KMT2C: variants seen among roughly 807,000 people sequenced by gnomAD.
KMT2C encodes histone-lysine N-methyltransferase 2C.
Under a neutral mutation model 507.9 loss-of-function variants are expected in KMT2C, and 88 were observed. The observed-to-expected ratio is 0.17, with a 90% CI of 0.15 to 0.21. The LOEUF (loss-of-function observed/expected upper bound fraction) is 0.21, where lower values mean the gene tolerates loss of function less well. Among genes scored for constraint, KMT2C ranks in the 10% least tolerant of loss-of-function variants. The pLI is 1.00. For synonymous variants in KMT2C, 2,049 were observed against 2,080.8 expected (o/e 0.98, Z 0.42); for missense variants, 4,954 against 5,957.8 (o/e 0.83, Z 5.55).
intron 1 of KMT2C, among the ~76,000 whole-genome samples, chr7:152,425,993 T>A (rs1193785062): frequency 6.6e-6 from 1 of 152,108 alleles, no homozygotes; most frequent in Admixed American, 6.6e-5. Context: ...TAACAACATT[T>A]AAAAGTTTGA....
At chr7:152,217,584 A>G (rs994262601) in intron 23 of KMT2C, among the ~76,000 whole-genome samples, 4 of 152,184 alleles carry the variant, frequency 2.6e-5, no homozygotes, top group African/African-American at 9.7e-5. Context: ...CATCCAACAC[A>G]CTAAACAATC....
chr7:152,312,000 A>T (rs2129200676), intron 4 of KMT2C, 54 bp from the exon 5 acceptor site: 1 of 1,429,610 alleles, frequency 7.0e-7, no homozygotes, highest in Non-Finnish European at 9.6e-7. Flanking sequence ...AAATTGTTTC[A>T]TTTTTAACTG....
chr7:152,303,231 T>C (rs1025429145), intron 6 of KMT2C, among the ~76,000 whole-genome samples: 8 of 152,204 alleles, frequency 5.3e-5, no homozygotes, highest in African/African-American at 1.4e-4. Context: ...AAAAATGCCA[T>C]GTTAACAACC....
chr7:152,393,635 C>T (rs569961506), intron 1 of KMT2C, among the ~76,000 whole-genome samples: 1 of 152,208 alleles, frequency 6.6e-6, no homozygotes, highest in South Asian at 2.1e-4. Flanking sequence ...ATCTGTTGGC[C>T]GAGCGCGGTG....
At chr7:152,292,329 C>T (rs62495464) in intron 6 of KMT2C, among the ~76,000 whole-genome samples, 17 of 152,156 alleles carry the variant, frequency 1.1e-4, no homozygotes, top group South Asian at 4.1e-4. Context: ...ATGTGTGGCG[C>T]GCACACACAC....
intron 6 of KMT2C, among the ~76,000 whole-genome samples, chr7:152,307,745 G>A (rs2096634335): frequency 6.6e-6 from 1 of 152,186 alleles, no homozygotes; most frequent in Non-Finnish European, 1.5e-5. Context: ...AAGGGACAGA[G>A]TGAGGCAAGT....
In KMT2C at chr7:152,135,335, A is replaced by G; in HGVS notation, c.*1497T>C. 4.6e-6 allele frequency: 1 copy of G among 217,018 alleles called. No homozygotes were observed. The highest frequency in any genetic ancestry group is 9.3e-6 in the Non-Finnish European group (1 of 107,504). The allele number at this position is 217,018 out of a possible 1,614,324, so 13.4% of individuals were successfully genotyped here. A position where few individuals can be genotyped will look rare whatever the true frequency, so the allele number is the denominator to read the frequency against. On this transcript the variant is annotated 3_prime_UTR_variant, in exon 59 of 59. Coordinates refer to ENST00000262189, the MANE Select transcript of KMT2C (RefSeq NM_170606.3). Reference sequence around the variant, plus strand: ...GTGTCAGTACCAGAATTTTAAGTACAAAATAAAAAGCTAACCTGGTTCAAA... The same window carrying G: ...GTGTCAGTACCAGAATTTTAAGTACGAAATAAAAAGCTAACCTGGTTCAAA...
At chr7:152,411,654 G>A (rs1383255806) in intron 1 of KMT2C, among the ~76,000 whole-genome samples, 2 of 152,118 alleles carry the variant, frequency 1.3e-5, no homozygotes. Flanking sequence ...GCTACAGCCA[G>A]CCAGTGGAGA....
At chr7:152,373,667 T>C (rs1398385817) in intron 1 of KMT2C, among the ~76,000 whole-genome samples, 3 of 152,156 alleles carry the variant, frequency 2.0e-5, no homozygotes, top group Non-Finnish European at 2.9e-5. Flanking sequence ...TCAACTGAAA[T>C]GTTAAAAGAG....
chr7:152,163,039 G>T lies in KMT2C; in HGVS notation c.10538C>A (p.Pro3513His). The T allele has an allele frequency of 6.2e-7, 1 of 1,614,186 alleles. No homozygotes were observed. Among genetic ancestry groups the T allele is most frequent in the Non-Finnish European group, 8.5e-7 (1 of 1,180,028 alleles). Reference sequence around the variant, plus strand: ...TGATGGTGAATCAGGAACAAATGAAGGAGGGCCTACCTGCCTTCGCTCATT... The same window carrying T: ...TGATGGTGAATCAGGAACAAATGAATGAGGGCCTACCTGCCTTCGCTCATT... ...QTNERRQVGPPSFVPDSPSIP... is the reference protein window; with the variant it reads ...QTNERRQVGPHSFVPDSPSIP... Residue 3513 changes from proline (P) to histidine (H), a missense_variant, in exon 43 of 59, where the codon CCT (proline) becomes CAT (histidine). Physicochemically the swap from Pro to His is moderately conservative, Grantham distance 77. Transcript: ENST00000262189.
In KMT2C at chr7:152,435,779, G is replaced by T. The variant is rs1281367709; in HGVS notation, c.8C>A (p.Ser3Ter). 8 of 1,386,952 alleles carry T rather than the reference G, an allele frequency of 5.8e-6. No homozygotes were observed. Among genetic ancestry groups the T allele is most frequent in the Middle Eastern group, 2.1e-4 (1 of 4,770 alleles). The allele number at this position is 1,386,952 out of a possible 1,614,324, so 85.9% of individuals were successfully genotyped here. Residue 3 changes from serine to a stop codon, truncating the protein, a stop_gained, in exon 1 of 59, where the codon TCG becomes TAG. Coordinates refer to ENST00000262189, the MANE Select transcript of KMT2C (RefSeq NM_170606.3). LOFTEE classifies it high-confidence loss of function. Reference sequence around the variant, plus strand: ...CTGCTCCACGCTCTTGTCCTCCTCCGACGACATCCTAGTCACCAGGAAAGA... The same window carrying T: ...CTGCTCCACGCTCTTGTCCTCCTCCTACGACATCCTAGTCACCAGGAAAGA... MS[S>*]EEDKSVEQPQ...
intron 4 of KMT2C, among the ~76,000 whole-genome samples, 159 bp downstream of exon 4, chr7:152,314,979 T>C (rs2096709736): frequency 6.6e-6 from 1 of 152,138 alleles, no homozygotes; most frequent in Admixed American, 6.5e-5. Flanking sequence ...TTTGTTGGAT[T>C]AATTGGGTTA....
intron 6 of KMT2C, among the ~76,000 whole-genome samples, chr7:152,307,499 T>A (rs1412002811): frequency 6.6e-6 from 1 of 152,028 alleles, no homozygotes; most frequent in African/African-American, 2.4e-5. Context: ...AGGTAAAGAT[T>A]TGACAGAGTT....
chr7:152,367,076 C>A, intron 1 of KMT2C: 1 of 736,790 alleles, frequency 1.4e-6, no homozygotes. Flanking sequence ...AGTCAGAACT[C>A]TGTGCTGCAT....
chr7:152,270,638 C>T (rs2095946802), intron 7 of KMT2C, among the ~76,000 whole-genome samples: 1 of 152,128 alleles, frequency 6.6e-6, no homozygotes, highest in Non-Finnish European at 1.5e-5. Flanking sequence ...GTTCCCTCTC[C>T]CTGGAATGTT....
chr7:152,292,330 G>GCACA (rs1276544601), intron 6 of KMT2C, among the ~76,000 whole-genome samples: 1 of 149,540 alleles, frequency 6.7e-6, no homozygotes, highest in South Asian at 2.1e-4. Context: ...TGTGTGGCGC[G>GCACA]CACACACACA....
intron 38 of KMT2C, 27 bp downstream of exon 38, chr7:152,176,164 T>A (rs754815293): frequency 1.9e-6 from 3 of 1,553,730 alleles, no homozygotes; most frequent in African/African-American, 1.4e-5. Flanking sequence ...CATAGTAATA[T>A]ACGTTGAGAC....
chr7:152,179,412 A>C (rs1379701581), intron 37 of KMT2C, among the ~76,000 whole-genome samples: 1 of 152,264 alleles, frequency 6.6e-6, no homozygotes, highest in East Asian at 1.9e-4. Context: ...ATGTCATATG[A>C]TAAACTGCAT....
intron 24 of KMT2C, 26 bp from the exon 25 acceptor site, chr7:152,205,251 C>A: frequency 1.2e-6 from 2 of 1,603,200 alleles, no homozygotes; most frequent in South Asian, 2.2e-5. Context: ...ATTAGGTAAA[C>A]TGATAAGTAA....
Sources: gnomAD v4.1 joint callset for allele counts (sites outside exome capture counted in the v4.1 genomes callset) on GRCh38, gnomAD v4.1.1 for gene constraint, MANE v1.5 for transcripts, NCBI Gene and HGNC (gene_info 2026-07-23, HGNC 2026-07-21) for gene names.